The following KHDRBS2 variants were observed in gnomAD, a reference collection of about 807,000 sequenced individuals.
KHDRBS2 encodes the protein KH RNA binding domain containing, signal transduction associated 2.
Under a neutral mutation model 44.3 loss-of-function variants are expected in KHDRBS2, and 26 were observed. That is an observed-to-expected ratio of 0.59 (90% CI 0.43 to 0.81). The LOEUF is 0.81. KHDRBS2 is among the 40% of genes least tolerant of loss of function. The pLI, the probability that KHDRBS2 is intolerant of heterozygous loss-of-function variation, is 0.00. For missense variants in KHDRBS2, 476 were observed against 433.1 expected, an observed-to-expected ratio of 1.10 and a Z score of -0.88; for synonymous variants, 194 against 151.1, an observed-to-expected ratio of 1.28 and a Z score of -2.08.
intron 4 of KHDRBS2, among the ~76,000 whole-genome samples, chr6:61,935,650 G>A (rs1810887585): frequency 6.6e-6 from 1 of 152,126 alleles, no homozygotes; most frequent in Non-Finnish European, 1.5e-5. Flanking sequence ...GCTCAGTGCT[G>A]CTAAATCTTC....
the KHDRBS2 span, among the ~76,000 whole-genome samples, chr6:61,605,298 C>A: frequency 6.6e-6 from 1 of 152,162 alleles, no homozygotes; most frequent in Non-Finnish European, 1.5e-5. Context: ...CTCAACTATT[C>A]ATAAATGCCC....
At chr6:61,670,231 C>A in the KHDRBS2 span, among the ~76,000 whole-genome samples, 1 of 151,240 alleles carries the variant, frequency 6.6e-6, no homozygotes, top group African/African-American at 2.4e-5. Flanking sequence ...TTAATTCTGT[C>A]AAATCCTAAG....
intron 2 of KHDRBS2, among the ~76,000 whole-genome samples, chr6:62,059,344 C>A (rs1427400268): frequency 6.7e-6 from 1 of 149,312 alleles, no homozygotes; most frequent in Non-Finnish European, 1.5e-5. Context: ...TGTAGTGGAG[C>A]AGGAAAAAGC....
At position 62,061,401 on chromosome 6, in the gene KHDRBS2, T is replaced by A. The variant is rs977048236; in HGVS notation, c.220-13407A>T. 3.0e-4 allele frequency among the ~76,000 whole-genome samples: 45 copies of A among 151,848 alleles called. 1 individual carries two copies. Among genetic ancestry groups the A allele is most frequent in the Admixed American group, 2.6e-4 (4 of 15,230 alleles). ...CAAAATCTCTCAGCATTTGCTTGTC[T>A]GTAAAGGATTTTATTTCTCCTTCAC... On this transcript the variant is annotated intron_variant, in intron 2 of 8. Transcript: ENST00000281156.
intron 6 of KHDRBS2, among the ~76,000 whole-genome samples, chr6:61,795,094 G>A (rs185408850): frequency 5.0e-5 from 7 of 139,130 alleles, no homozygotes; most frequent in East Asian, 2.1e-4. Context: ...AGCCGAGATC[G>A]TGCCACTGCA....
the KHDRBS2 span, among the ~76,000 whole-genome samples, chr6:61,552,830 G>A: frequency 1.3e-5 from 2 of 152,076 alleles, no homozygotes; most frequent in African/African-American, 4.8e-5. Flanking sequence ...AAACAACCTT[G>A]CATCCCAGAT....
chr6:61,719,334 A>C (rs1022697273), intron 7 of KHDRBS2, among the ~76,000 whole-genome samples: 1 of 152,010 alleles, frequency 6.6e-6, no homozygotes, highest in Non-Finnish European at 1.5e-5. Flanking sequence ...CTACTTGTAT[A>C]ATTTGGTTTG....
At chr6:61,559,415 T>C in the KHDRBS2 span, among the ~76,000 whole-genome samples, 2 of 151,858 alleles carry the variant, frequency 1.3e-5, no homozygotes, top group East Asian at 1.9e-4. Flanking sequence ...CTATTTAGAG[T>C]CAATGTTATT....
chr6:61,748,711 T>C (rs1427089793), intron 6 of KHDRBS2, among the ~76,000 whole-genome samples: 1 of 152,190 alleles, frequency 6.6e-6, no homozygotes, highest in African/African-American at 2.4e-5. Flanking sequence ...ACTATTTATT[T>C]TCTGGGTAGT....
intron 6 of KHDRBS2, among the ~76,000 whole-genome samples, chr6:61,845,136 C>A (rs1794190578): frequency 6.6e-6 from 1 of 151,970 alleles, no homozygotes; most frequent in African/African-American, 2.4e-5. Context: ...ATAGAATGTG[C>A]CTTTTAAAAA....
intron 5 of KHDRBS2, 110 bp from the exon 6 acceptor site, chr6:61,894,943 T>TTCTC: frequency 1.8e-6 from 1 of 559,472 alleles, no homozygotes. Context: ...AAATACAAAT[T>TTCTC]TCTCTCTCTC....
the KHDRBS2 span, among the ~76,000 whole-genome samples, chr6:61,672,279 T>C: frequency 6.6e-6 from 1 of 152,072 alleles, no homozygotes; most frequent in East Asian, 1.9e-4. Flanking sequence ...AAGTCTTTGC[T>C]AATGTGAATA....
intron 4 of KHDRBS2, among the ~76,000 whole-genome samples, chr6:61,957,787 T>A (rs1767742957): frequency 6.6e-6 from 1 of 152,282 alleles, no homozygotes; most frequent in South Asian, 2.1e-4. Context: ...AGACATGTGA[T>A]CTCTGTGACC....
intron 6 of KHDRBS2, among the ~76,000 whole-genome samples, chr6:61,775,419 A>G (rs1476220042): frequency 2.0e-5 from 3 of 152,168 alleles, no homozygotes; most frequent in Non-Finnish European, 4.4e-5. Context: ...AATCTCCTCA[A>G]GCTGATAAGC....
At chr6:62,121,432 C>T (rs193185795) in intron 2 of KHDRBS2, among the ~76,000 whole-genome samples, 187 of 152,290 alleles carry the variant, frequency 1.2e-3, no homozygotes, top group African/African-American at 3.5e-3. Context: ...AATGACAGTA[C>T]ATTATAACAA....
intron 3 of KHDRBS2, among the ~76,000 whole-genome samples, chr6:61,997,334 C>T (rs1428783006): frequency 6.6e-6 from 1 of 152,110 alleles, no homozygotes; most frequent in Non-Finnish European, 1.5e-5. Context: ...AGGATTGCCC[C>T]ACACTTGACT....
intron 6 of KHDRBS2, among the ~76,000 whole-genome samples, chr6:61,848,890 A>G (rs1160544694): frequency 1.3e-5 from 2 of 151,986 alleles, no homozygotes; most frequent in Non-Finnish European, 2.9e-5. Flanking sequence ...AAATAAATGT[A>G]TCTTTACATA....
rs75069400 is a variant in KHDRBS2 at position 61,996,789 on chromosome 6, C to G, written c.337-18577G>C. Among the ~76,000 whole-genome samples, 113 of 149,348 alleles carry G rather than the reference C, an allele frequency of 7.6e-4. No individual in the cohort carries two copies. The East Asian group carries it at 0.018, about 24-fold the overall frequency. On this transcript the variant is annotated intron_variant, in intron 3 of 8. Transcript: ENST00000281156. ...ACACTCTCTTTTACCCCTCCTCCCC[C>G]CCTCACCCCCCCGAGATAGAGTCTT...
chr6:62,139,786 C>A (rs1302755069), intron 2 of KHDRBS2, among the ~76,000 whole-genome samples: 2 of 151,974 alleles, frequency 1.3e-5, no homozygotes, highest in African/African-American at 4.8e-5. Flanking sequence ...TAAGTCAAAC[C>A]ATTTATTAAT....
Sources: allele counts gnomAD v4.1 joint callset (sites outside exome capture counted in the v4.1 genomes callset), GRCh38; gene constraint gnomAD v4.1.1; transcripts MANE v1.5; gene names NCBI Gene and HGNC (gene_info 2026-07-23, HGNC 2026-07-21).